Variants in NAALADL2 observed in about 807,000 individuals in gnomAD.
NAALADL2 encodes the protein inactive N-acetylated-alpha-linked acidic dipeptidase-like protein 2.
NAALADL2 carries 76 observed loss-of-function variants against 87.2 expected under a neutral mutation model. That is an observed-to-expected ratio of 0.87 (90% CI 0.72 to 1.05). NAALADL2 has a LOEUF of 1.05. Among genes scored for constraint, NAALADL2 ranks in the 50% least tolerant of loss-of-function variants. The pLI, the probability that NAALADL2 is intolerant of heterozygous loss-of-function variation, is 0.00. For synonymous variants in NAALADL2, 354 were observed against 331.0 expected (o/e 1.07, Z -0.75); for missense variants, 1,089 against 945.8 (o/e 1.15, Z -1.99).
intron 2 of NAALADL2, among the ~76,000 whole-genome samples, chr3:175,199,860 A>G (rs28566121): frequency 5.0e-4 from 8 of 15,908 alleles, no homozygotes; most frequent in African/African-American, 2.0e-3. Flanking sequence ...ATATATATAT[A>G]TATATTTTTT....
At chr3:175,576,228 T>C in intron 10 of NAALADL2, 41 bp downstream of exon 10, 3 of 1,542,754 alleles carry the variant, frequency 1.9e-6, no homozygotes, top group Non-Finnish European at 1.8e-6. Context: ...ACACACAATA[T>C]AGTAGACCTG....
At chr3:175,169,336 T>A (rs1290721237) in intron 2 of NAALADL2, among the ~76,000 whole-genome samples, 1 of 151,520 alleles carries the variant, frequency 6.6e-6, no homozygotes, top group Non-Finnish European at 1.5e-5. Flanking sequence ...GACAGCTAGC[T>A]TTAAGTTCTC....
At chr3:175,713,599 T>G (rs1348768348) in intron 11 of NAALADL2, among the ~76,000 whole-genome samples, 1 of 152,150 alleles carries the variant, frequency 6.6e-6, no homozygotes, top group Non-Finnish European at 1.5e-5. Context: ...ATGATGTTAT[T>G]TAATAATTGA....
chr3:175,415,351 A>C (rs1388186127), intron 5 of NAALADL2, among the ~76,000 whole-genome samples: 2 of 152,156 alleles, frequency 1.3e-5, no homozygotes, highest in East Asian at 3.9e-4. Context: ...GGAGGGGAAA[A>C]ATACTATTTG....
intron 11 of NAALADL2, among the ~76,000 whole-genome samples, chr3:175,706,313 CT>C (rs1253098638): frequency 6.6e-6 from 1 of 152,024 alleles, no homozygotes; most frequent in Non-Finnish European, 1.5e-5. Flanking sequence ...TAGTACCAAA[CT>C]CTAAATATAA....
intron 1 of NAALADL2, among the ~76,000 whole-genome samples, chr3:174,974,467 C>T (rs1277861198): frequency 6.6e-6 from 1 of 152,038 alleles, no homozygotes; most frequent in East Asian, 1.9e-4. Flanking sequence ...TTGGTTTTAC[C>T]TATTAAGTAG....
intron 2 of NAALADL2, among the ~76,000 whole-genome samples, chr3:174,608,435 A>G (rs1308255280): frequency 6.6e-6 from 1 of 151,906 alleles, no homozygotes; most frequent in African/African-American, 2.4e-5. Context: ...CTAATAAAAA[A>G]AGAGAGAAGA....
At chr3:175,205,743 T>A (rs546515762) in intron 2 of NAALADL2, among the ~76,000 whole-genome samples, 19 of 150,476 alleles carry the variant, frequency 1.3e-4, no homozygotes, top group Non-Finnish European at 2.1e-4. Flanking sequence ...CTCAAAAAAA[T>A]CAGTAAGAAA....
chr3:174,530,617 C>T (rs922147191), intron 1 of NAALADL2, among the ~76,000 whole-genome samples: 1 of 152,192 alleles, frequency 6.6e-6, no homozygotes, highest in Admixed American at 6.5e-5. Context: ...CTCACAATCA[C>T]AGCAGAAGGT....
intron 3 of NAALADL2, among the ~76,000 whole-genome samples, chr3:174,848,359 G>T (rs932912646): frequency 6.6e-6 from 1 of 152,010 alleles, no homozygotes; most frequent in African/African-American, 2.4e-5. Flanking sequence ...CCCTTGAGTA[G>T]TTTATAAGTG....
intron 2 of NAALADL2, among the ~76,000 whole-genome samples, chr3:174,733,766 G>A (rs1732926261): frequency 6.6e-6 from 1 of 152,188 alleles, no homozygotes; most frequent in Non-Finnish European, 1.5e-5. Flanking sequence ...CCATCTCTCT[G>A]ACCTACTAAA....
chr3:175,718,631 C>T (rs1437223321), intron 11 of NAALADL2: 26 of 1,591,454 alleles, frequency 1.6e-5, no homozygotes, highest in South Asian at 1.3e-4. Context: ...TCGGAAATTG[C>T]GAGGGACTTT....
intron 11 of NAALADL2, among the ~76,000 whole-genome samples, chr3:175,671,880 A>T (rs888090024): frequency 3.9e-5 from 6 of 152,094 alleles, no homozygotes; most frequent in African/African-American, 1.4e-4. Context: ...CAATGATTGT[A>T]TAATGAGTTT....
At chr3:175,202,079 A>G (rs1740129757) in intron 2 of NAALADL2, among the ~76,000 whole-genome samples, 1 of 152,114 alleles carries the variant, frequency 6.6e-6, no homozygotes, top group Non-Finnish European at 1.5e-5. Context: ...AAACTAAGGC[A>G]CAGACACTTA....
chr3:175,216,296 G>A (rs999473263), intron 2 of NAALADL2, among the ~76,000 whole-genome samples: 2 of 152,030 alleles, frequency 1.3e-5, no homozygotes, highest in African/African-American at 4.8e-5. Flanking sequence ...TTTTGCTGTG[G>A]CCATCTCTTT....
At chr3:175,034,912 A>G (rs986728216) in intron 1 of NAALADL2, among the ~76,000 whole-genome samples, 3 of 152,128 alleles carry the variant, frequency 2.0e-5, no homozygotes, top group African/African-American at 7.2e-5. Context: ...TATTTCTTTA[A>G]TGTGTGTCTT....
In NAALADL2 at chr3:174,570,070, G is replaced by A. The variant is rs146451153; in HGVS notation, c.-115+19433G>A. On this transcript the variant is annotated intron_variant, in intron 2 of 3. Coordinates refer to the NAALADL2 transcript ENST00000434257. ...TGCATCTGGAAAGCACTTCCAGTCA[G>A]AATGCAACAATGATTTTAGGATCAC... is the stretch of plus-strand genomic sequence containing the variant. Among the ~76,000 whole-genome samples, 320 of 152,196 alleles carry A rather than the reference G, an allele frequency of 2.1e-3. 2 individuals are homozygous for A. The highest frequency in any genetic ancestry group is 7.3e-3 in the African/African-American group (305 of 41,528).
At chr3:174,669,131 A>C (rs1185724673) in intron 2 of NAALADL2, among the ~76,000 whole-genome samples, 2 of 152,178 alleles carry the variant, frequency 1.3e-5, no homozygotes, top group African/African-American at 4.8e-5. Context: ...GTGAGATGGT[A>C]TCTCACTGTG....
chr3:175,545,241 A>G (rs1477054773), intron 9 of NAALADL2, among the ~76,000 whole-genome samples: 1 of 152,180 alleles, frequency 6.6e-6, no homozygotes, highest in East Asian at 1.9e-4. Flanking sequence ...ATCTAGGTCC[A>G]ATGGCCCAAA....
Sources: gnomAD v4.1 joint callset for allele counts (sites outside exome capture counted in the v4.1 genomes callset) on GRCh38, gnomAD v4.1.1 for gene constraint, MANE v1.5 for transcripts, NCBI Gene and HGNC (gene_info 2026-07-23, HGNC 2026-07-21) for gene names.